The following ZNF516 variants were observed in gnomAD, a reference collection of about 807,000 sequenced individuals.
ZNF516 encodes zinc finger protein 516.
A neutral mutation model predicts 79.7 loss-of-function variants in ZNF516; 19 were observed. The observed-to-expected ratio is 0.24, with a 90% CI of 0.17 to 0.35. The LOEUF (loss-of-function observed/expected upper bound fraction) is 0.35. Among genes scored for constraint, ZNF516 ranks in the 10% least tolerant of loss-of-function variants. ZNF516 has a pLI of 1.00. For missense variants in ZNF516, 1,678 were observed against 1,679.5 expected, an observed-to-expected ratio of 1.00 and a Z score of 0.02; for synonymous variants, 877 against 739.5, an observed-to-expected ratio of 1.19 and a Z score of -3.02.
intron 2 of ZNF516, among the ~76,000 whole-genome samples, chr18:76,449,598 G>A (rs940260895): frequency 6.6e-6 from 1 of 152,206 alleles, no homozygotes; most frequent in African/African-American, 2.4e-5. Context: ...TCTTTAAAAT[G>A]TAAATGATAG....
At chr18:76,430,295 T>A (rs1222067559) in intron 3 of ZNF516, among the ~76,000 whole-genome samples, 1 of 152,218 alleles carries the variant, frequency 6.6e-6, no homozygotes, top group Non-Finnish European at 1.5e-5. Flanking sequence ...CCTAGTCTAA[T>A]ACCGAAATAA....
chr18:76,457,263 C>G (rs1022888583), intron 2 of ZNF516, among the ~76,000 whole-genome samples: 1 of 152,242 alleles, frequency 6.6e-6, no homozygotes, highest in African/African-American at 2.4e-5. Flanking sequence ...TAAGCTTTCT[C>G]TCCTTCTTAA....
chr18:76,480,371 GC>G (rs1914438738), intron 1 of ZNF516, among the ~76,000 whole-genome samples: 1 of 151,984 alleles, frequency 6.6e-6, no homozygotes, highest in East Asian at 1.9e-4. Context: ...GGGCAAAACT[GC>G]CCTTGAATGC....
At chr18:76,464,098 T>A (rs962627923) in intron 1 of ZNF516, among the ~76,000 whole-genome samples, 2 of 151,824 alleles carry the variant, frequency 1.3e-5, no homozygotes, top group Non-Finnish European at 2.9e-5. Context: ...CTGAGGTGGG[T>A]GGATCACTTG....
At chr18:76,388,509 G>A in intron 3 of ZNF516, 1 of 152,188 alleles carries the variant, frequency 6.6e-6, no homozygotes, top group East Asian at 1.9e-4. Context: ...GATCCACAAG[G>A]AGGAAGGTCT....
At chr18:76,440,742 T>TTTGTGTGTG (rs1555711266) in intron 3 of ZNF516, among the ~76,000 whole-genome samples, 28 of 150,052 alleles carry the variant, frequency 1.9e-4, no homozygotes, top group Non-Finnish European at 3.6e-4. Context: ...GTGTGTGTGT[T>TTTGTGTGTG]TGTGTGTGTG....
At chr18:76,431,992 G>A (rs1431553680) in intron 3 of ZNF516, among the ~76,000 whole-genome samples, 3 of 152,208 alleles carry the variant, frequency 2.0e-5, no homozygotes, top group Admixed American at 6.5e-5. Flanking sequence ...ACAGGACAGG[G>A]TCTGCTATTC....
chr18:76,443,977 C>CA (rs1911888643), intron 2 of ZNF516, among the ~76,000 whole-genome samples: 1 of 152,196 alleles, frequency 6.6e-6, no homozygotes, highest in African/African-American at 2.4e-5. Context: ...TCCCTCCAGG[C>CA]ACACAGGCAA....
At chr18:76,435,990 AC>A (rs2075728344) in intron 3 of ZNF516, among the ~76,000 whole-genome samples, 1 of 152,252 alleles carries the variant, frequency 6.6e-6, no homozygotes, top group African/African-American at 2.4e-5. Context: ...TTTTGGGGGC[AC>A]CTGACTTCAG....
At chr18:76,489,666 C>G (rs939713400) in intron 1 of ZNF516, among the ~76,000 whole-genome samples, 5 of 151,198 alleles carry the variant, frequency 3.3e-5, no homozygotes, top group African/African-American at 9.7e-5. Context: ...TTAGTAGACT[C>G]TGAAGGTTGT....
chr18:76,372,494 G>A (rs1023511302), intron 4 of ZNF516, among the ~76,000 whole-genome samples: 12 of 152,266 alleles, frequency 7.9e-5, no homozygotes, highest in Middle Eastern at 3.4e-3. Context: ...TTTTTAAAAC[G>A]CTGCTTTATG....
At position 76,481,134 on chromosome 18, in the gene ZNF516, G is replaced by C. The variant is rs182293878; in HGVS notation, c.-272+14010C>G. Among the ~76,000 whole-genome samples, 114 of 152,318 alleles carry C rather than the reference G, an allele frequency of 7.5e-4. 1 individual carries two copies. Among genetic ancestry groups the C allele is most frequent in the African/African-American group, 2.6e-3 (109 of 41,578 alleles). ...GCACAGGAGCTGACCTAGGATCCAAGGCCACTGAGCCTGGTCAGAGGCAGG... is the reference window on the plus strand; with the variant it reads ...GCACAGGAGCTGACCTAGGATCCAACGCCACTGAGCCTGGTCAGAGGCAGG... On this transcript the variant is annotated intron_variant, in intron 1 of 6. Coordinates refer to ENST00000443185, the MANE Select transcript of ZNF516 (RefSeq NM_014643.4).
chr18:76,392,369 C>G (rs898388112), intron 3 of ZNF516, among the ~76,000 whole-genome samples: 3 of 152,178 alleles, frequency 2.0e-5, no homozygotes, highest in East Asian at 3.9e-4. Flanking sequence ...GGCTCTTCAC[C>G]CAGAAGGTGA....
At chr18:76,363,574 G>A (rs1332805947) in intron 6 of ZNF516, among the ~76,000 whole-genome samples, 1 of 152,222 alleles carries the variant, frequency 6.6e-6, no homozygotes, top group East Asian at 1.9e-4. Flanking sequence ...AAGTGGTGGA[G>A]ACAGCAGTTT....
Position 76,459,298 on chromosome 18 carries a change from C to T in ZNF516, c.-158+3730G>A, listed in dbSNP as rs1012811615. Among the ~76,000 whole-genome samples the T allele has an allele frequency of 3.3e-5, 5 of 152,294 alleles. No homozygotes were observed. The highest frequency in any genetic ancestry group is 7.2e-5 in the African/African-American group (3 of 41,556). The stretch of plus-strand genomic sequence containing the variant: ...AGGCACACTGGACCCAGTGCCAGCT[C>T]GGGAAATCCTGGGCCGGTGACAGCC... On this transcript the variant is annotated intron_variant, in intron 2 of 6. Coordinates refer to ENST00000443185, the MANE Select transcript of ZNF516 (RefSeq NM_014643.4). The surrounding 1 kb of genome is among the most constrained non-coding windows in gnomAD (Gnocchi z 5.0).
At chr18:76,416,854 C>T (rs746047326) in intron 3 of ZNF516, among the ~76,000 whole-genome samples, 7 of 152,102 alleles carry the variant, frequency 4.6e-5, no homozygotes, top group Non-Finnish European at 1.0e-4. Context: ...TTCATTTCTC[C>T]ATTGTCCCTC....
At chr18:76,389,624 A>C (rs1175394294) in intron 3 of ZNF516, among the ~76,000 whole-genome samples, 1 of 152,194 alleles carries the variant, frequency 6.6e-6, no homozygotes, top group Non-Finnish European at 1.5e-5. Flanking sequence ...TTCATTTCTT[A>C]TGTACTCTTC....
intron 1 of ZNF516, among the ~76,000 whole-genome samples, chr18:76,494,723 T>C (rs1339325008): frequency 1.3e-5 from 2 of 151,804 alleles, no homozygotes; most frequent in African/African-American, 4.8e-5. Flanking sequence ...CGTTTTACTT[T>C]AAAGTAAGGC....
intron 2 of ZNF516, among the ~76,000 whole-genome samples, chr18:76,462,265 G>A (rs1482437721): frequency 2.6e-5 from 4 of 152,122 alleles, no homozygotes; most frequent in Admixed American, 2.6e-4. Flanking sequence ...GGCTTTGTAG[G>A]AATCCCAAGA....
Sources: allele counts gnomAD v4.1 joint callset (sites outside exome capture counted in the v4.1 genomes callset), GRCh38; gene constraint gnomAD v4.1.1; non-coding constraint Gnocchi (gnomAD v3.1); transcripts MANE v1.5; gene names NCBI Gene and HGNC (gene_info 2026-07-23, HGNC 2026-07-21).